KIF4A: variants seen among roughly 807,000 people sequenced by gnomAD.
KIF4A encodes the protein kinesin family member 4A.
KIF4A carries 7 observed loss-of-function variants against 105.9 expected under a neutral mutation model. That is an observed-to-expected ratio of 0.07 (90% CI 0.04 to 0.12). KIF4A has a LOEUF of 0.12. Among genes scored for constraint, KIF4A ranks in the 10% least tolerant of loss-of-function variants. The pLI, the probability that KIF4A is intolerant of heterozygous loss-of-function variation, is 1.00. For synonymous variants in KIF4A, 281 were observed against 331.3 expected (o/e 0.85, Z 1.65); for missense variants, 558 against 929.2 (o/e 0.60, Z 5.19).
intron 9 of KIF4A, among the ~76,000 whole-genome samples, chrX:70,331,639 T>TAA (rs11403200): frequency 0.033 from 3,505 of 104,760 alleles, 123 homozygotes; most frequent in East Asian, 0.27. Context: ...CTTCAATTTG[T>TAA]AAAAAAAAAA....
chrX:70,308,855 C>T (rs1037526509), intron 7 of KIF4A, among the ~76,000 whole-genome samples: 5 of 112,408 alleles, frequency 4.4e-5, no homozygotes, highest in African/African-American at 6.5e-5. Context: ...AGCAATCTGC[C>T]TGCCTCGGCC....
intron 14 of KIF4A, among the ~76,000 whole-genome samples, chrX:70,353,400 A>T (rs1309303398): frequency 8.9e-6 from 1 of 112,250 alleles, no homozygotes; most frequent in Admixed American, 9.5e-5. Context: ...GTTGATACTA[A>T]AAGAGTCCAT....
At chrX:70,308,775 A>C (rs2085837238) in intron 7 of KIF4A, among the ~76,000 whole-genome samples, 1 of 111,082 alleles carries the variant, frequency 9.0e-6, no homozygotes. Flanking sequence ...ATGCATGACT[A>C]ATTTTTTGTA....
chrX:70,330,384 T>A (rs773681500), intron 9 of KIF4A, 52 bp downstream of exon 9: 87 of 1,043,031 alleles, frequency 8.3e-5, no homozygotes, highest in Admixed American at 5.0e-4. Context: ...GTGAGTGGAA[T>A]GATAGAGCTT....
chrX:70,378,497 G>A (rs1192586077), intron 18 of KIF4A, among the ~76,000 whole-genome samples: 4 of 110,307 alleles, frequency 3.6e-5, no homozygotes, highest in Middle Eastern at 4.9e-3. Context: ...GGGAGGCCAA[G>A]GTGAGCAGAT....
chrX:70,364,948 G>C (rs1257069867), intron 15 of KIF4A, among the ~76,000 whole-genome samples: 1 of 111,212 alleles, frequency 9.0e-6, no homozygotes, highest in Non-Finnish European at 1.9e-5. Context: ...TCCTTGAAGA[G>C]GTCCTTCACA....
rs748900268 is a variant in KIF4A at position 70,373,797 on chromosome X, CAT to C, written c.1675-350_1675-349del. On this transcript the variant is annotated intron_variant, in intron 15 of 30. Coordinates refer to ENST00000374403, the MANE Select transcript of KIF4A (RefSeq NM_012310.5). ...ATACACATATATATACATATATACA[CAT>C]ATACGTATATATATATACACACACA... 8.6e-4 allele frequency among the ~76,000 whole-genome samples: 67 copies of C among 77,603 alleles called. 1 individual carries two copies. The highest frequency in any genetic ancestry group is 2.7e-3 in the African/African-American group (61 of 22,311). The allele number at this position is 77,603 out of a possible 115,157, so 67.4% of individuals were successfully genotyped here.
intron 13 of KIF4A, among the ~76,000 whole-genome samples, chrX:70,345,667 AT>A (rs2085989584): frequency 9.0e-6 from 1 of 110,834 alleles, no homozygotes; most frequent in Non-Finnish European, 1.9e-5. Context: ...AGATTGTTTC[AT>A]TTTTTTATAC....
At chrX:70,386,386 G>C (rs1290938446) in intron 18 of KIF4A, among the ~76,000 whole-genome samples, 1 of 111,277 alleles carries the variant, frequency 9.0e-6, no homozygotes, top group Non-Finnish European at 1.9e-5. Context: ...TTATGACTGA[G>C]ACTCAAGAAT....
At chrX:70,342,664 T>G (rs143436751) in intron 11 of KIF4A, among the ~76,000 whole-genome samples, 10 of 112,710 alleles carry the variant, frequency 8.9e-5, no homozygotes, top group African/African-American at 3.2e-4. Context: ...CAAGGAAAGA[T>G]AAGCTGCTTA....
At chrX:70,417,620 C>T (rs1394929290) in intron 28 of KIF4A, among the ~76,000 whole-genome samples, 1 of 111,522 alleles carries the variant, frequency 9.0e-6, no homozygotes, top group Non-Finnish European at 1.9e-5. Context: ...GCACTCCAGC[C>T]TGGGTGACAT....
chrX:70,365,821 C>G (rs1208704128), intron 15 of KIF4A, among the ~76,000 whole-genome samples: 2 of 111,633 alleles, frequency 1.8e-5, no homozygotes, highest in Non-Finnish European at 3.8e-5. Flanking sequence ...AGCAGCGGTA[C>G]CAGCTCCTCC....
At chrX:70,343,670 C>T (rs376117453) in intron 11 of KIF4A, 33 bp from the exon 12 acceptor site, 49 of 1,186,275 alleles carry the variant, frequency 4.1e-5, no homozygotes, top group Middle Eastern at 2.4e-4. Flanking sequence ...TGTCAGGCAC[C>T]GCCACTGATG....
intron 13 of KIF4A, among the ~76,000 whole-genome samples, chrX:70,348,349 G>GT (rs1404066108): frequency 1.8e-5 from 2 of 111,231 alleles, no homozygotes; most frequent in Non-Finnish European, 1.9e-5. Flanking sequence ...AAAGTTTTTT[G>GT]TTTTTTTGTT....
At chrX:70,347,892 G>A (rs989696915) in intron 13 of KIF4A, among the ~76,000 whole-genome samples, 38 of 88,612 alleles carry the variant, frequency 4.3e-4, no homozygotes, top group Admixed American at 6.4e-4. Context: ...GGAGAATGGC[G>A]TGAACCCGGG....
rs1264624281 is a variant in KIF4A at position 70,420,527 on chromosome X, G to A, written c.*262G>A. The A allele has an allele frequency of 3.1e-6, 1 of 327,376 alleles. No individual in the cohort carries two copies. Among genetic ancestry groups the A allele is most frequent in the African/African-American group, 2.6e-5 (1 of 37,937 alleles). 27.0% of individuals were successfully genotyped at this position (327,376 alleles called of 1,213,427 possible). On this transcript the variant is annotated 3_prime_UTR_variant, in exon 31 of 31. Coordinates refer to ENST00000374403, the MANE Select transcript of KIF4A (RefSeq NM_012310.5). ...ACTGACTTTCCTATTGACTCATCAGGAACCAGTCCTCAGTCTGGTCAAGTT... is the reference window on the plus strand; with the variant it reads ...ACTGACTTTCCTATTGACTCATCAGAAACCAGTCCTCAGTCTGGTCAAGTT...
chrX:70,344,179 CA>C (rs779365102), intron 13 of KIF4A, among the ~76,000 whole-genome samples, 197 bp downstream of exon 13: 1 of 112,254 alleles, frequency 8.9e-6, no homozygotes, highest in South Asian at 3.7e-4. Flanking sequence ...ATACAATGCA[CA>C]TTAGTATTTC....
chrX:70,324,258 CAT>C (rs1238628203), intron 7 of KIF4A, among the ~76,000 whole-genome samples: 3 of 112,111 alleles, frequency 2.7e-5, no homozygotes, highest in African/African-American at 9.7e-5. Flanking sequence ...ACCTCTTTGT[CAT>C]AGTGTTCTTT....
intron 7 of KIF4A, among the ~76,000 whole-genome samples, chrX:70,313,946 G>A (rs940027010): frequency 5.3e-5 from 6 of 112,229 alleles, no homozygotes; most frequent in Admixed American, 1.9e-4. Flanking sequence ...ACTCATATTC[G>A]TAAAACATTT....
Sources: gnomAD v4.1 joint callset for allele counts (sites outside exome capture counted in the v4.1 genomes callset) on GRCh38, gnomAD v4.1.1 for gene constraint, MANE v1.5 for transcripts, NCBI Gene and HGNC (gene_info 2026-07-23, HGNC 2026-07-21) for gene names.